Variants in NPVF observed in about 807,000 individuals in gnomAD.
NPVF encodes the protein pro-FMRFamide-related neuropeptide VF.
In NPVF, 17 loss-of-function variants were observed where a neutral mutation model predicts 15.7. That is an observed-to-expected ratio of 1.08 (90% CI 0.74 to 1.62). NPVF has a LOEUF of 1.62. Among genes scored for constraint, NPVF ranks in the 40% most tolerant of loss-of-function variants. The pLI is 0.00. For missense variants in NPVF, 270 were observed against 225.2 expected, an observed-to-expected ratio of 1.20 and a Z score of -1.27; for synonymous variants, 70 against 80.1, an observed-to-expected ratio of 0.87 and a Z score of 0.67.
Position 25,228,312 on chromosome 7 carries a change from T to C in NPVF, c.128A>G (p.Lys43Arg). Residue 43 changes from lysine to arginine, a missense_variant, in exon 1 of 3, where the codon AAA becomes AGA. Physicochemically the swap from Lys to Arg is conservative, Grantham distance 26. Coordinates refer to ENST00000222674, the MANE Select transcript of NPVF (RefSeq NM_022150.3). ...SNLHSKENYD[K>R]YSEPRGYPKG... The stretch of plus-strand genomic sequence containing the variant: ...ATTTAAAAAACTTACCTCAGAATAT[T>C]TGTCATAATTTTCTTTGCTGTGAAG... The C allele has an allele frequency of 6.7e-7, 1 of 1,484,686 alleles. No individual in the cohort carries two copies. 92.0% of individuals were successfully genotyped at this position (1,484,686 alleles called of 1,614,324 possible).
At chr7:25,227,123 T>C in intron 1 of NPVF, 97 bp from the exon 2 acceptor site, 5 of 1,085,500 alleles carry the variant, frequency 4.6e-6, no homozygotes, top group Non-Finnish European at 6.7e-6. Context: ...ATCTGCAGAA[T>C]TGTTAAAGCT....
rs552597796 is a variant in NPVF, at chr7:25,226,624, A to C, written c.539+2T>G. ...CACTTTGACTGGTTTCCAGGTATTTACCTTGACTGTTTTTGATCGGGATTC... is the reference window on the plus strand; with the variant it reads ...CACTTTGACTGGTTTCCAGGTATTTCCCTTGACTGTTTTTGATCGGGATTC... On this transcript the variant is annotated splice_donor_variant, in intron 2 of 2. Coordinates refer to ENST00000222674, the MANE Select transcript of NPVF (RefSeq NM_022150.3). LOFTEE classifies it high-confidence loss of function. The C allele has an allele frequency of 6.2e-7, 1 of 1,612,666 alleles. No individual in the cohort carries two copies. Among genetic ancestry groups the C allele is most frequent in the South Asian group, 1.1e-5 (1 of 90,908 alleles).
intron 2 of NPVF, 62 bp from the exon 3 acceptor site, chr7:25,225,235 A>G: frequency 2.3e-6 from 3 of 1,314,310 alleles, no homozygotes; most frequent in Non-Finnish European, 2.2e-6. Flanking sequence ...AAGTGTGTAT[A>G]CAAATACAAG....
chr7:25,227,674 T>G (rs1783148682), intron 1 of NPVF, among the ~76,000 whole-genome samples: 1 of 152,246 alleles, frequency 6.6e-6, no homozygotes, highest in African/African-American at 2.4e-5. Flanking sequence ...ATGCCAACTT[T>G]GTAGGAACCA....
At position 25,226,876 on chromosome 7, in the gene NPVF, G is replaced by C. The variant is rs1427263237; in HGVS notation, c.289C>G (p.Gln97Glu). 2 of 1,614,008 alleles carry C rather than the reference G, an allele frequency of 1.2e-6. No homozygotes were observed. The highest frequency in any genetic ancestry group is 2.7e-5 in the African/African-American group (2 of 74,906). The change falls in exon 2 of 3, where the codon CAA becomes GAA. Residue 97 changes from glutamine to glutamate, a missense_variant. Coordinates refer to ENST00000222674, the MANE Select transcript of NPVF (RefSeq NM_022150.3). ...NLPLRFGRNVQEERSAGATAN... is the reference protein window; with the variant it reads ...NLPLRFGRNVEEERSAGATAN... ...GTTGCTCCAGCACTTCTTTCTTCTTGAACGTTCCTCCCAAATCTCAATGGC... is the reference window on the plus strand; with the variant it reads ...GTTGCTCCAGCACTTCTTTCTTCTTCAACGTTCCTCCCAAATCTCAATGGC...
At position 25,224,846 on chromosome 7, in the gene NPVF, G is replaced by A. The variant is rs118032448; in HGVS notation, c.*276C>T. ...AATGATTTTTATATAGGGTAGTGAGGAGGGTCCTCTGTCTCTCTCTCCATT... is the reference window on the plus strand; with the variant it reads ...AATGATTTTTATATAGGGTAGTGAGAAGGGTCCTCTGTCTCTCTCTCCATT... On this transcript the variant is annotated 3_prime_UTR_variant, in exon 3 of 3. Coordinates refer to ENST00000222674, the MANE Select transcript of NPVF (RefSeq NM_022150.3). The A allele has an allele frequency of 5.0e-6, 2 of 398,526 alleles. No individual in the cohort carries two copies. Among genetic ancestry groups the A allele is most frequent in the East Asian group, 8.9e-5 (2 of 22,546 alleles). The allele number at this position is 398,526 out of a possible 1,614,324, so 24.7% of individuals were successfully genotyped here. A position where few individuals can be genotyped will look rare whatever the true frequency, so the allele number is the denominator to read the frequency against.
Position 25,224,693 on chromosome 7 carries a change from G to A in NPVF, c.*429C>T, listed in dbSNP as rs776711965. On this transcript the variant is annotated 3_prime_UTR_variant, in exon 3 of 3. Transcript: ENST00000222674. ...AGAAAGGGTGTACAGAAACACGTTTGTAAGTGATTTTTAATCCTTGTTCAC... is the reference window on the plus strand; with the variant it reads ...AGAAAGGGTGTACAGAAACACGTTTATAAGTGATTTTTAATCCTTGTTCAC... The A allele has an allele frequency of 2.5e-5, 4 of 158,408 alleles. No individual in the cohort carries two copies. Among genetic ancestry groups the A allele is most frequent in the African/African-American group, 9.6e-5 (4 of 41,590 alleles). The allele number at this position is 158,408 out of a possible 1,614,324, so 9.8% of individuals were successfully genotyped here.
rs1414327539 is a variant in NPVF, at chr7:25,225,016, TG to T, written c.*105del. On this transcript the variant is annotated 3_prime_UTR_variant, in exon 3 of 3. Transcript: ENST00000222674. ...ACTGACAAGGAAAAATTGCCGTTGA[TG>T]ATCCATAGCTGATGAAGTGTATGTA... The T allele has an allele frequency of 2.2e-5, 19 of 874,818 alleles. No individual in the cohort carries two copies. The Middle Eastern group carries it at 1.1e-3, about 52-fold the overall frequency. 54.2% of individuals were successfully genotyped at this position (874,818 alleles called of 1,614,324 possible).
At chr7:25,225,500 G>C (rs1367148114) in intron 2 of NPVF, among the ~76,000 whole-genome samples, 2 of 152,348 alleles carry the variant, frequency 1.3e-5, no homozygotes, top group African/African-American at 4.8e-5. Context: ...CCAAGTCCTT[G>C]TCCGGGTCCT....
chr7:25,225,885 A>C (rs572651165), intron 2 of NPVF, among the ~76,000 whole-genome samples: 14 of 131,872 alleles, frequency 1.1e-4, no homozygotes, highest in African/African-American at 4.1e-4. Context: ...TAATAAAGGC[A>C]ATGAACCCTA....
At chr7:25,225,385 C>T (rs1412296019) in intron 2 of NPVF, among the ~76,000 whole-genome samples, 4 of 152,138 alleles carry the variant, frequency 2.6e-5, no homozygotes, top group Admixed American at 1.3e-4. Flanking sequence ...CCCTCCACAC[C>T]GCCCCACTCC....
Position 25,224,900 on chromosome 7 carries a change from C to CT in NPVF, c.*221dup, listed in dbSNP as rs200857217. 7.3e-4 allele frequency: 356 copies of CT among 488,776 alleles called. No individual in the cohort carries two copies. The highest frequency in any genetic ancestry group is 1.7e-3 in the South Asian group (50 of 29,196). 30.3% of individuals were successfully genotyped at this position (488,776 alleles called of 1,614,324 possible). ...AGAGATTTCTAAAGCATTTGCAATG[C>CT]TTTTTTTTTATTCAGACAAAAATCA... is the stretch of plus-strand genomic sequence containing the variant. On this transcript the variant is annotated 3_prime_UTR_variant, in exon 3 of 3. Coordinates refer to ENST00000222674, the MANE Select transcript of NPVF (RefSeq NM_022150.3).
Position 25,228,450 on chromosome 7 carries a change from T to A in NPVF, c.-11A>T. ...TGAAATAATTTCCATTTTGTCTAAA[T>A]CTAAAATTAAGTCTCTATGTGCAGC... On this transcript the variant is annotated 5_prime_UTR_variant, in exon 1 of 3. Transcript: ENST00000222674. The A allele has an allele frequency of 6.3e-7, 1 of 1,576,384 alleles. No homozygotes were observed. Among genetic ancestry groups the A allele is most frequent in the Non-Finnish European group, 8.7e-7 (1 of 1,152,038 alleles).
chr7:25,225,933 C>A (rs554665988), intron 2 of NPVF, among the ~76,000 whole-genome samples: 5 of 152,172 alleles, frequency 3.3e-5, no homozygotes, highest in East Asian at 3.9e-4. Flanking sequence ...TGGAAAAGAA[C>A]AAACCTGGAG....
chr7:25,226,730 A>G lies in NPVF; in HGVS notation c.435T>C (p.Ser145=). The change falls in exon 2 of 3, where the codon AGT becomes AGC. Residue 145 remains serine, a synonymous_variant. Transcript: ENST00000222674. ...TTAKSVCRML[S]DLCQGSMHSP... ...AATGCATGGATCCTTGACACAAATC[A>G]CTCAGCATCCTGCAGACACTTTTGG... is the stretch of plus-strand genomic sequence containing the variant. The G allele has an allele frequency of 1.2e-6, 2 of 1,614,096 alleles. No individual in the cohort carries two copies. Among genetic ancestry groups the G allele is most frequent in the Non-Finnish European group, 1.7e-6 (2 of 1,179,996 alleles).
In NPVF at chr7:25,226,339, G is replaced by A. The variant is rs182482836; in HGVS notation, c.539+287C>T. The stretch of plus-strand genomic sequence containing the variant: ...AGGTCCAGCGTTTAGACAATATACT[G>A]TCATTGCATGGACTTAGTGAGCAGC... On this transcript the variant is annotated intron_variant, in intron 2 of 2. Coordinates refer to ENST00000222674, the MANE Select transcript of NPVF (RefSeq NM_022150.3). Among the ~76,000 whole-genome samples, 675 of 152,272 alleles carry A rather than the reference G, an allele frequency of 4.4e-3. 7 individuals are homozygous for A. Among genetic ancestry groups the A allele is most frequent in the African/African-American group, 0.016 (653 of 41,548 alleles).
Position 25,224,963 on chromosome 7 carries a change from AC to A in NPVF, c.*158del. ...GTAACAAATATGCTTTAATTTTTTT[AC>A]AACTTTCAAGATACTATTATAGCTG... is the stretch of plus-strand genomic sequence containing the variant. On this transcript the variant is annotated 3_prime_UTR_variant, in exon 3 of 3. Coordinates refer to ENST00000222674, the MANE Select transcript of NPVF (RefSeq NM_022150.3). 2 of 533,558 alleles carry A rather than the reference AC, an allele frequency of 3.7e-6. No homozygotes were observed. The allele number at this position is 533,558 out of a possible 1,614,324, so 33.1% of individuals were successfully genotyped here. A position where few individuals can be genotyped will look rare whatever the true frequency, so the allele number is the denominator to read the frequency against.
Position 25,226,520 on chromosome 7 carries a change from C to G in NPVF, c.539+106G>C, listed in dbSNP as rs993988537. ...TTTGCCTCTCTCTCCTGCTAGGAAA[C>G]TTACTGTCTTAGAAACTTATGTTGA... On this transcript the variant is annotated intron_variant, in intron 2 of 2. Transcript: ENST00000222674. 6 of 1,340,942 alleles carry G rather than the reference C, an allele frequency of 4.5e-6. No homozygotes were observed. The Admixed American group carries it at 1.3e-4, about 30-fold the overall frequency. The allele number at this position is 1,340,942 out of a possible 1,614,324, so 83.1% of individuals were successfully genotyped here.
intron 2 of NPVF, among the ~76,000 whole-genome samples, chr7:25,225,541 C>T (rs866407571): frequency 3.9e-5 from 6 of 152,344 alleles, no homozygotes; most frequent in African/African-American, 7.2e-5. Flanking sequence ...CTTACTCTAA[C>T]GGTCTAGACT....
Sources: gnomAD v4.1 joint callset for allele counts (sites outside exome capture counted in the v4.1 genomes callset) on GRCh38, gnomAD v4.1.1 for gene constraint, MANE v1.5 for transcripts, NCBI Gene and HGNC (gene_info 2026-07-23, HGNC 2026-07-21) for gene names.